Variants in SLC25A23 observed in about 807,000 individuals in gnomAD.
The protein encoded by SLC25A23 is solute carrier family 25 member 23.
SLC25A23 carries 32 observed loss-of-function variants against 53.9 expected under a neutral mutation model. The ratio of observed to expected loss-of-function variants is 0.59; its 90% CI spans 0.45 to 0.80. The LOEUF (loss-of-function observed/expected upper bound fraction) is 0.80. SLC25A23 is among the 30% of genes least tolerant of loss of function. The pLI, the probability that SLC25A23 is intolerant of heterozygous loss-of-function variation, is 0.00. For synonymous variants in SLC25A23, 275 were observed against 264.5 expected (o/e 1.04, Z -0.38); for missense variants, 575 against 651.4 (o/e 0.88, Z 1.28).
chr19:6,442,009 T>A lies in SLC25A23; in HGVS notation c.1373A>T (p.Asn458Ile). Residue 458 changes from asparagine (N) to isoleucine (I), a missense_variant, in exon 10 of 10, where the codon AAC becomes ATC. Transcript: ENST00000301454. ...AVSISYVVYENMKQALGVTSR is the reference protein window; with the variant it reads ...AVSISYVVYEIMKQALGVTSR ...CGTGACCCCCAAGGCCTGCTTCATG[T>A]TCTCGTAGACCACATAGGAGATGCT... 3 of 1,613,874 alleles carry A rather than the reference T, an allele frequency of 1.9e-6. No individual in the cohort carries two copies. Among genetic ancestry groups the A allele is most frequent in the Non-Finnish European group, 2.5e-6 (3 of 1,179,888 alleles).
chr19:6,441,223 A>C lies in SLC25A23; in HGVS notation c.*752T>G, dbSNP rs2092416707. 1 of 152,118 alleles carries C rather than the reference A, an allele frequency of 6.6e-6. No homozygotes were observed. The highest frequency in any genetic ancestry group is 1.5e-5 in the Non-Finnish European group (1 of 68,118). The allele number at this position is 152,118 out of a possible 1,614,324, so 9.4% of individuals were successfully genotyped here. On this transcript the variant is annotated 3_prime_UTR_variant, in exon 10 of 10. Coordinates refer to ENST00000301454, the MANE Select transcript of SLC25A23 (RefSeq NM_024103.3). ...GGTTAAAAAAAAACAAAAAACCAAA[A>C]ACCAATGCAGGAATCCAGTGGGTGG...
Position 6,454,346 on chromosome 19 carries a change from T to G in SLC25A23, c.772A>C (p.Ile258Leu). 5 of 1,614,120 alleles carry G rather than the reference T, an allele frequency of 3.1e-6. No homozygotes were observed. Among genetic ancestry groups the G allele is most frequent in the Non-Finnish European group, 4.2e-6 (5 of 1,179,980 alleles). ...NVLKIAPESA[I>L]KFMAYEQIKR... ...ACCTGTTCATAGGCCATGAACTTGATAGCTGACTCGGGGGCAATCTTGAGT... is the reference window on the plus strand; with the variant it reads ...ACCTGTTCATAGGCCATGAACTTGAGAGCTGACTCGGGGGCAATCTTGAGT... The change falls in exon 6 of 10, where the codon ATC becomes CTC. Residue 258 changes from isoleucine (I) to leucine (L), a missense_variant. Transcript: ENST00000301454. This position sits in a 1 kb window ranked among gnomAD's most constrained non-coding sequence, Gnocchi z 4.3.
intron 8 of SLC25A23, among the ~76,000 whole-genome samples, chr19:6,446,559 A>G (rs2092507974): frequency 6.6e-6 from 1 of 152,198 alleles, no homozygotes; most frequent in African/African-American, 2.4e-5. Context: ...AATGGGCAGA[A>G]AGCCCTGGGA....
downstream of SLC25A23, among the ~76,000 whole-genome samples, chr19:6,439,362 C>T (rs1402159603): frequency 6.7e-6 from 1 of 149,772 alleles, no homozygotes; most frequent in Non-Finnish European, 1.5e-5. Flanking sequence ...ACCCTCTAAC[C>T]TGGGCTGCAG....
At position 6,444,357 on chromosome 19, in the gene SLC25A23, T is replaced by C. The variant is rs2092472729; in HGVS notation, c.1072-56A>G. On this transcript the variant is annotated intron_variant, in intron 8 of 9. Coordinates refer to ENST00000301454, the MANE Select transcript of SLC25A23 (RefSeq NM_024103.3). ...GGGTGGGTGACCCTAGGACCCTGGC[T>C]TCAAAGGCCTGCTGGCCGGTTCTGT... 12 of 1,522,144 alleles carry C rather than the reference T, an allele frequency of 7.9e-6. No individual in the cohort carries two copies. In the South Asian group the frequency reaches 1.1e-4, roughly 14 times the overall value. 94.3% of individuals were successfully genotyped at this position (1,522,144 alleles called of 1,614,324 possible).
intron 1 of SLC25A23, 73 bp from the exon 2 acceptor site, chr19:6,458,397 A>T: frequency 1.3e-6 from 2 of 1,515,676 alleles, no homozygotes; most frequent in Non-Finnish European, 1.8e-6. Flanking sequence ...ATGTCACCTT[A>T]TGCCTTAGGA....
chr19:6,455,831 GC>G (rs2092673696), intron 4 of SLC25A23: 2 of 345,284 alleles, frequency 5.8e-6, no homozygotes, highest in African/African-American at 4.4e-5. Context: ...CCATTCTCCT[GC>G]CTTAGCCTTC....
downstream of SLC25A23, among the ~76,000 whole-genome samples, chr19:6,436,619 G>A (rs2092322840): frequency 1.3e-5 from 2 of 150,802 alleles, no homozygotes; most frequent in Admixed American, 6.6e-5. Context: ...GCACAATCTC[G>A]ACTCACTGCA....
At chr19:6,456,010 C>T (rs10418566) in intron 4 of SLC25A23, 376 of 1,296,084 alleles carry the variant, frequency 2.9e-4, no homozygotes, top group Non-Finnish European at 3.6e-4. Flanking sequence ...TGAGCCACTG[C>T]GCCTGGCCAA....
Position 6,458,293 on chromosome 19 carries a change from T to A in SLC25A23, c.188A>T (p.Asp63Val). 2 of 1,613,172 alleles carry A rather than the reference T, an allele frequency of 1.2e-6. No homozygotes were observed. Among genetic ancestry groups the A allele is most frequent in the Non-Finnish European group, 1.7e-6 (2 of 1,179,954 alleles). ...AAATTCCTCCAGGTCGAGCCCGCCATCTGGGTCAGCATCACCCTCAGAGGA... is the reference window on the plus strand; with the variant it reads ...AAATTCCTCCAGGTCGAGCCCGCCAACTGGGTCAGCATCACCCTCAGAGGA... ...GISSEGDADP[D>V]GGLDLEEFSR... is the part of the protein sequence containing the mutation. The change falls in exon 2 of 10, where the codon GAT (aspartate) becomes GTT (valine). Residue 63 changes from aspartate to valine, a missense_variant. Asp to Val is a radical substitution (Grantham distance 152). Transcript: ENST00000301454.
chr19:6,454,155 CT>C lies in SLC25A23; in HGVS notation c.796-68del. 6.5e-7 allele frequency: 1 copy of C among 1,534,128 alleles called. No homozygotes were observed. On this transcript the variant is annotated intron_variant, in intron 6 of 9. Coordinates refer to ENST00000301454, the MANE Select transcript of SLC25A23 (RefSeq NM_024103.3). This position sits in a 1 kb window ranked among gnomAD's most constrained non-coding sequence, Gnocchi z 4.3. ...TGAACCTTCCTTGCACTCCACTGTT[CT>C]CCTGGCTTCCAAAGAACTGGCTTGC...
intron 9 of SLC25A23, among the ~76,000 whole-genome samples, 176 bp from the exon 10 acceptor site, chr19:6,442,335 AC>A (rs2092434923): frequency 6.6e-6 from 1 of 152,104 alleles, no homozygotes; most frequent in Non-Finnish European, 1.5e-5. Flanking sequence ...CTGGCTGCTC[AC>A]CTTTTCGCCC....
intron 3 of SLC25A23, 84 bp downstream of exon 3, chr19:6,457,419 T>C: frequency 8.0e-7 from 1 of 1,248,326 alleles, no homozygotes; most frequent in South Asian, 1.2e-5. Context: ...TCCTTGGGAC[T>C]GGGTCTGGAG....
chr19:6,448,760 C>T (rs538032827), intron 8 of SLC25A23, among the ~76,000 whole-genome samples: 3 of 151,890 alleles, frequency 2.0e-5, no homozygotes, highest in Admixed American at 6.6e-5. Flanking sequence ...TGAGCCACTG[C>T]ACCTGGCAAT....
rs370816487 is a variant in SLC25A23, at chr19:6,458,413, G to C, written c.157-89C>G. The C allele has an allele frequency of 7.8e-5, 113 of 1,446,176 alleles. No individual in the cohort carries two copies. In the African/African-American group the frequency reaches 1.5e-3, roughly 19 times the overall value. 89.6% of individuals were successfully genotyped at this position (1,446,176 alleles called of 1,614,324 possible). A position where few individuals can be genotyped will look rare whatever the true frequency, so the allele number is the denominator to read the frequency against. On this transcript the variant is annotated intron_variant, in intron 1 of 9. Coordinates refer to ENST00000301454, the MANE Select transcript of SLC25A23 (RefSeq NM_024103.3). ...TGTCACCTTATGCCTTAGGAACCCA[G>C]AGCCCCCAGCGCCTTGAGGAAGGGG...
At chr19:6,446,491 A>G (rs1428689177) in intron 8 of SLC25A23, among the ~76,000 whole-genome samples, 1 of 152,192 alleles carries the variant, frequency 6.6e-6, no homozygotes, top group East Asian at 1.9e-4. Flanking sequence ...ACATTTACCC[A>G]AAGACTTTGC....
At chr19:6,436,183 A>G, downstream of SLC25A23, 1 of 260,806 alleles carries the variant, frequency 3.8e-6, no homozygotes, top group Non-Finnish European at 8.0e-6. Context: ...CATCTCACCC[A>G]TATTCTGAGC....
intron 8 of SLC25A23, among the ~76,000 whole-genome samples, chr19:6,451,401 T>A (rs553243425): frequency 0.012 from 1,779 of 152,042 alleles, 23 homozygotes; most frequent in South Asian, 0.036. Flanking sequence ...AAAAAATAAA[T>A]AAATAAATAA....
intron 8 of SLC25A23, among the ~76,000 whole-genome samples, chr19:6,446,520 C>T (rs1033544417): frequency 1.3e-5 from 2 of 152,164 alleles, no homozygotes; most frequent in East Asian, 1.9e-4. Context: ...TTTCTCTGAA[C>T]GCAGGCCAGC....
Sources: allele counts gnomAD v4.1 joint callset (sites outside exome capture counted in the v4.1 genomes callset), GRCh38; gene constraint gnomAD v4.1.1; non-coding constraint Gnocchi (gnomAD v3.1); transcripts MANE v1.5; gene names NCBI Gene and HGNC (gene_info 2026-07-23, HGNC 2026-07-21).